The following C12orf42 variants were observed in gnomAD, a reference collection of about 807,000 sequenced individuals.
C12orf42 encodes chromosome 12 open reading frame 42, also known as uncharacterized protein C12orf42.
Under a neutral mutation model 21.6 loss-of-function variants are expected in C12orf42, and 25 were observed. That is an observed-to-expected ratio of 1.16 (90% CI 0.84 to 1.62). The LOEUF (loss-of-function observed/expected upper bound fraction) is 1.62. C12orf42 is among the 40% of genes most tolerant of loss of function. C12orf42 has a pLI of 0.00. For synonymous variants in C12orf42, 174 were observed against 175.0 expected, an observed-to-expected ratio of 0.99 and a Z score of 0.05; for missense variants, 483 against 459.3, an observed-to-expected ratio of 1.05 and a Z score of -0.47.
At chr12:103,176,103 C>T in the C12orf42 span, among the ~76,000 whole-genome samples, 1 of 152,112 alleles carries the variant, frequency 6.6e-6, no homozygotes, top group Non-Finnish European at 1.5e-5. Context: ...TCCCACCTCC[C>T]CCCAGTTCAA....
At chr12:103,148,898 T>C in the C12orf42 span, among the ~76,000 whole-genome samples, 1 of 152,172 alleles carries the variant, frequency 6.6e-6, no homozygotes, top group African/African-American at 2.4e-5. Context: ...AGAAAATTAT[T>C]TGCCCATTAT....
intron 1 of C12orf42, among the ~76,000 whole-genome samples, chr12:103,492,314 C>T (rs1955236980): frequency 6.6e-6 from 1 of 152,184 alleles, no homozygotes; most frequent in Non-Finnish European, 1.5e-5. Flanking sequence ...CATTATCCAG[C>T]AATTTGCATC....
the C12orf42 span, among the ~76,000 whole-genome samples, chr12:103,537,805 A>G: frequency 6.6e-6 from 1 of 152,218 alleles, no homozygotes; most frequent in Admixed American, 6.5e-5. Context: ...CCCCCAACTT[A>G]GGCTTTGTAA....
chr12:103,209,577 T>C, the C12orf42 span, among the ~76,000 whole-genome samples: 1 of 152,194 alleles, frequency 6.6e-6, no homozygotes, highest in Non-Finnish European at 1.5e-5. Flanking sequence ...AAAATGCCCT[T>C]GGTCTGACTC....
chr12:103,068,748 C>T, the C12orf42 span, among the ~76,000 whole-genome samples: 136 of 151,158 alleles, frequency 9.0e-4, no homozygotes, highest in Non-Finnish European at 1.2e-3. Flanking sequence ...TTCCTGCCCT[C>T]GAATATCAGA....
At chr12:103,543,620 A>AC in the C12orf42 span, among the ~76,000 whole-genome samples, 1 of 152,102 alleles carries the variant, frequency 6.6e-6, no homozygotes, top group African/African-American at 2.4e-5. Flanking sequence ...CTCAAAAAAA[A>AC]AAAACTTAAA....
At chr12:103,200,679 T>A in the C12orf42 span, among the ~76,000 whole-genome samples, 1 of 152,224 alleles carries the variant, frequency 6.6e-6, no homozygotes, top group Non-Finnish European at 1.5e-5. Context: ...CTCAATAACA[T>A]CCTTACAATA....
At chr12:103,503,900 G>C in the C12orf42 span, 3 of 155,322 alleles carry the variant, frequency 1.9e-5, no homozygotes, top group African/African-American at 7.2e-5. Flanking sequence ...CTAAAAGCTG[G>C]AGTGGGTGGA....
the C12orf42 span, among the ~76,000 whole-genome samples, chr12:103,147,154 A>G: frequency 6.6e-6 from 1 of 152,338 alleles, no homozygotes; most frequent in East Asian, 1.9e-4. Context: ...TTAAGCCTTT[A>G]TAGTAGCTTT....
chr12:103,299,575 C>CA (rs35418007), downstream of C12orf42, among the ~76,000 whole-genome samples: 728 of 152,136 alleles, frequency 4.8e-3, 9 homozygotes, highest in African/African-American at 0.017. Context: ...TAAGTCAAAC[C>CA]ACATAAAGAA....
At chr12:103,537,126 G>T in the C12orf42 span, among the ~76,000 whole-genome samples, 1 of 150,554 alleles carries the variant, frequency 6.6e-6, no homozygotes, top group South Asian at 2.1e-4. Flanking sequence ...GAAGGGTATG[G>T]TATTTCATTT....
intron 2 of C12orf42, among the ~76,000 whole-genome samples, chr12:103,421,350 C>A (rs1453908476): frequency 6.6e-6 from 1 of 151,892 alleles, no homozygotes; most frequent in Admixed American, 6.6e-5. Flanking sequence ...CGGGAGAATC[C>A]CTTGAGCCCA....
chr12:103,317,558 G>A (rs1200237457), intron 4 of C12orf42, among the ~76,000 whole-genome samples: 1 of 152,184 alleles, frequency 6.6e-6, no homozygotes, highest in East Asian at 1.9e-4. Flanking sequence ...ATTGGTCTGA[G>A]AGCCAGAGCA....
the C12orf42 span, among the ~76,000 whole-genome samples, chr12:103,509,536 C>G: frequency 1.2e-4 from 18 of 152,246 alleles, no homozygotes; most frequent in African/African-American, 4.3e-4. Context: ...AGTTTTTAAG[C>G]TTAAATTAAT....
At chr12:103,290,046 G>A (rs1347462666) in intron 4 of C12orf42, among the ~76,000 whole-genome samples, 1 of 152,150 alleles carries the variant, frequency 6.6e-6, no homozygotes. Flanking sequence ...TGCATGCAGA[G>A]GGTCTAAAGA....
chr12:103,384,481 C>T (rs1312606741), intron 3 of C12orf42, among the ~76,000 whole-genome samples: 1 of 152,196 alleles, frequency 6.6e-6, no homozygotes. Flanking sequence ...AGCTTATCTT[C>T]GTCTAGGGTG....
At chr12:103,226,073 G>A in the C12orf42 span, among the ~76,000 whole-genome samples, 1 of 152,338 alleles carries the variant, frequency 6.6e-6, no homozygotes, top group East Asian at 1.9e-4. Flanking sequence ...ACACAGATGG[G>A]ACGTGGCTTA....
intron 4 of C12orf42, among the ~76,000 whole-genome samples, chr12:103,352,874 C>T (rs780604048): frequency 3.3e-5 from 5 of 152,048 alleles, no homozygotes; most frequent in Non-Finnish European, 2.9e-5. Context: ...GGCACATAGT[C>T]AAGTTCAAGG....
At chr12:103,251,921 T>C (rs754540913) in intron 10 of C12orf42, among the ~76,000 whole-genome samples, 3 of 152,176 alleles carry the variant, frequency 2.0e-5, no homozygotes, top group Non-Finnish European at 2.9e-5. Context: ...AGACAGAAAT[T>C]ACTTGGGGGC....
Sources: gnomAD v4.1 joint callset for allele counts (sites outside exome capture counted in the v4.1 genomes callset) on GRCh38, gnomAD v4.1.1 for gene constraint, MANE v1.5 for transcripts, NCBI Gene and HGNC (gene_info 2026-07-23, HGNC 2026-07-21) for gene names.